Variants in SLC44A5 observed in about 807,000 individuals in gnomAD.
SLC44A5 encodes the protein choline transporter-like protein 5.
In SLC44A5, 57 loss-of-function variants were observed where a neutral mutation model predicts 101.8. That is an observed-to-expected ratio of 0.56 (90% confidence interval 0.45 to 0.70). The LOEUF is 0.70. SLC44A5 is among the 30% of genes least tolerant of loss of function. The probability of loss-of-function intolerance (pLI) is 0.00; values close to 1 mark genes in which losing one functional copy is unlikely to be tolerated. For synonymous variants in SLC44A5, 281 were observed against 290.9 expected (o/e 0.97, Z 0.35); for missense variants, 737 against 853.1 (o/e 0.86, Z 1.70).
intron 3 of SLC44A5, chr1:75,357,271 C>A: frequency 2.2e-6 from 1 of 454,380 alleles, no homozygotes; most frequent in Admixed American, 2.4e-5. Context: ...ACTAAAAGCT[C>A]TTGAACTTGG....
intron 15 of SLC44A5, 85 bp from the exon 16 acceptor site, chr1:75,219,429 G>T (rs1647030912): frequency 2.3e-6 from 2 of 888,566 alleles, no homozygotes; most frequent in Admixed American, 1.9e-5. Flanking sequence ...ACTCAAAAGT[G>T]CATGAGAAAT....
rs112687637 is a variant in SLC44A5 at position 75,587,061 on chromosome 1, T to A, written c.-70+23979A>T. 2.7e-3 allele frequency among the ~76,000 whole-genome samples: 410 copies of A among 152,286 alleles called. 1 individual carries two copies. Among genetic ancestry groups the A allele is most frequent in the African/African-American group, 9.4e-3 (389 of 41,568 alleles). On this transcript the variant is annotated intron_variant, in intron 1 of 23. Transcript: ENST00000370859. ...ACATTTGGCTATGTCAGAGACATTT[T>A]TGTATGTCACAACTGAAGAGGGTCC...
intron 23 of SLC44A5, chr1:75,206,510 G>T: frequency 2.4e-6 from 2 of 834,820 alleles, no homozygotes; most frequent in Non-Finnish European, 3.9e-6. Flanking sequence ...ATTAAGCACA[G>T]AAATTTCACA....
Position 75,471,254 on chromosome 1 carries a change from C to T in SLC44A5, c.13+70181G>A, listed in dbSNP as rs79815652. On this transcript the variant is annotated intron_variant, in intron 2 of 23. Coordinates refer to ENST00000370859, the MANE Select transcript of SLC44A5 (RefSeq NM_001130058.2). Reference sequence around the variant, plus strand: ...TTTCTCATCATTGCTTGAATTTCTGCCTTGAAGGGAATCCCCAGGATGGGA... The same window carrying T: ...TTTCTCATCATTGCTTGAATTTCTGTCTTGAAGGGAATCCCCAGGATGGGA... Among the ~76,000 whole-genome samples, 542 of 152,064 alleles carry T rather than the reference C, an allele frequency of 3.6e-3. 2 individuals are homozygous for T. Among genetic ancestry groups the T allele is most frequent in the African/African-American group, 0.013 (526 of 41,472 alleles).
chr1:75,437,091 C>T (rs1320885742), intron 2 of SLC44A5, among the ~76,000 whole-genome samples: 1 of 151,876 alleles, frequency 6.6e-6, no homozygotes, highest in Non-Finnish European at 1.5e-5. Context: ...TTACAGTTTA[C>T]TTTTTTAAAA....
chr1:75,217,074 T>C (rs186392552), intron 18 of SLC44A5, among the ~76,000 whole-genome samples: 20 of 152,246 alleles, frequency 1.3e-4, no homozygotes, highest in Admixed American at 8.5e-4. Flanking sequence ...AAGAGTTTTA[T>C]AGTTTTTGTG....
intron 3 of SLC44A5, among the ~76,000 whole-genome samples, chr1:75,355,038 A>G (rs1472584523): frequency 6.6e-6 from 1 of 152,188 alleles, no homozygotes; most frequent in Non-Finnish European, 1.5e-5. Context: ...ACTGTGTGTT[A>G]TCAGTTACCG....
At chr1:75,455,907 G>A (rs1325988967) in intron 2 of SLC44A5, among the ~76,000 whole-genome samples, 2 of 152,134 alleles carry the variant, frequency 1.3e-5, no homozygotes, top group Non-Finnish European at 2.9e-5. Flanking sequence ...AACACTCTTG[G>A]TAGGAATGTA....
chr1:75,436,512 C>T lies in SLC44A5; in HGVS notation c.14-39891G>A, dbSNP rs528114095. Among the ~76,000 whole-genome samples the T allele has an allele frequency of 7.9e-5, 12 of 152,166 alleles. No homozygotes were observed. In the South Asian group the frequency reaches 2.5e-3, roughly 32 times the overall value. On this transcript the variant is annotated intron_variant, in intron 2 of 23. Coordinates refer to ENST00000370859, the MANE Select transcript of SLC44A5 (RefSeq NM_001130058.2). ...ATTGTATACCTGTATAGAGCACTTACCATGAATGGAGGGTGCAGGTATGGG... is the reference window on the plus strand; with the variant it reads ...ATTGTATACCTGTATAGAGCACTTATCATGAATGGAGGGTGCAGGTATGGG...
the SLC44A5 span, among the ~76,000 whole-genome samples, chr1:75,645,989 A>G: frequency 0.65 from 85,216 of 131,630 alleles, 33,791 homozygotes; most frequent in East Asian, 0.87. Flanking sequence ...CCATTGGTCC[A>G]TATATCTGTT....
chr1:75,327,085 AT>A (rs35527065), intron 4 of SLC44A5, among the ~76,000 whole-genome samples: 15,600 of 148,478 alleles, frequency 0.11, 1,121 homozygotes, highest in African/African-American at 0.2. Flanking sequence ...TCTAAGCTTT[AT>A]TTTTTTTTTT....
chr1:75,631,340 TA>T, the SLC44A5 span, among the ~76,000 whole-genome samples: 1 of 152,090 alleles, frequency 6.6e-6, no homozygotes, highest in Non-Finnish European at 1.5e-5. Flanking sequence ...TTATTACTGC[TA>T]GGGTATCTGT....
intron 16 of SLC44A5, among the ~76,000 whole-genome samples, 174 bp from the exon 17 acceptor site, chr1:75,218,926 G>A (rs1647019418): frequency 6.6e-6 from 1 of 152,126 alleles, no homozygotes; most frequent in Admixed American, 6.6e-5. Context: ...AATGAGTGCT[G>A]GAAAGTATCC....
At position 75,318,370 on chromosome 1, in the gene SLC44A5, TGAAAGAAAGAAAGAAAGAAAGAAA is replaced by T. The variant is rs5775281; in HGVS notation, c.102-17709_102-17686del. ...CCAGCCTGGGCAAAATCCCATCTCT[TGAAAGAAAGAAAGAAAGAAAGAAA>T]GAAAGAAAGAAAGAAAGAAAGAAAG... On this transcript the variant is annotated intron_variant, in intron 4 of 23. Coordinates refer to ENST00000370859, the MANE Select transcript of SLC44A5 (RefSeq NM_001130058.2). Among the ~76,000 whole-genome samples the T allele has an allele frequency of 1.8e-3, 239 of 130,664 alleles. 1 individual carries two copies. The highest frequency in any genetic ancestry group is 7.9e-3 in the East Asian group (34 of 4,322). The allele number at this position is 130,664 out of a possible 152,430, so 85.7% of individuals were successfully genotyped here.
the SLC44A5 span, among the ~76,000 whole-genome samples, chr1:75,678,405 C>A: frequency 6.6e-6 from 1 of 151,928 alleles, no homozygotes; most frequent in African/African-American, 2.4e-5. Flanking sequence ...CAGTACGCAG[C>A]TGGAGATCTG....
At chr1:75,402,464 T>C in intron 2 of SLC44A5, 1 of 394,126 alleles carries the variant, frequency 2.5e-6, no homozygotes, top group Non-Finnish European at 5.3e-6. Flanking sequence ...GGCAGGTGAT[T>C]TCTGCATTTT....
the SLC44A5 span, among the ~76,000 whole-genome samples, chr1:75,722,704 T>C: frequency 6.6e-6 from 1 of 152,178 alleles, no homozygotes; most frequent in Non-Finnish European, 1.5e-5. Context: ...CTCTTCTTCT[T>C]CCCCTGGCCC....
At position 75,277,676 on chromosome 1, in the gene SLC44A5, T is replaced by C. The variant is rs146348882; in HGVS notation, c.176-2634A>G. Among the ~76,000 whole-genome samples, 1,139 of 141,504 alleles carry C rather than the reference T, an allele frequency of 8.0e-3. 17 individuals carry two copies. The highest frequency in any genetic ancestry group is 0.052 in the South Asian group (225 of 4,336). 92.8% of individuals were successfully genotyped at this position (141,504 alleles called of 152,430 possible). Reference sequence around the variant, plus strand: ...ATTTGGAGAGAAAAGCTTCTACTTGTGGCAGGGGGAGAAGGAGCATATCTG... The same window carrying C: ...ATTTGGAGAGAAAAGCTTCTACTTGCGGCAGGGGGAGAAGGAGCATATCTG... On this transcript the variant is annotated intron_variant, in intron 5 of 23. Coordinates refer to ENST00000370859, the MANE Select transcript of SLC44A5 (RefSeq NM_001130058.2).
intron 3 of SLC44A5, among the ~76,000 whole-genome samples, chr1:75,343,451 T>C (rs1268200641): frequency 6.6e-6 from 1 of 152,202 alleles, no homozygotes; most frequent in Non-Finnish European, 1.5e-5. Flanking sequence ...CAGCCAGTGA[T>C]GCTTAGAAAG....
Sources: allele counts gnomAD v4.1 joint callset (sites outside exome capture counted in the v4.1 genomes callset), GRCh38; gene constraint gnomAD v4.1.1; transcripts MANE v1.5; gene names NCBI Gene and HGNC (gene_info 2026-07-23, HGNC 2026-07-21).